Variants in CDC73 observed in about 807,000 individuals in gnomAD.
CDC73 encodes cell division cycle 73, also known as parafibromin.
CDC73 carries 21 observed loss-of-function variants against 83.7 expected under a neutral mutation model. The ratio of observed to expected loss-of-function variants is 0.25; its 90% CI spans 0.18 to 0.36. CDC73 has a LOEUF of 0.36. CDC73 is among the 10% of genes least tolerant of loss of function. The pLI, the probability that CDC73 is intolerant of heterozygous loss-of-function variation, is 1.00. For missense variants in CDC73, 342 were observed against 653.3 expected (o/e 0.52, Z 5.19); for synonymous variants, 224 against 212.9 (o/e 1.05, Z -0.45).
At chr1:193,168,316 T>C (rs916625562) in intron 10 of CDC73, among the ~76,000 whole-genome samples, 3 of 152,224 alleles carry the variant, frequency 2.0e-5, no homozygotes, top group Non-Finnish European at 2.9e-5. Context: ...AAATGTTTGC[T>C]GTGTGCCTGC....
In CDC73 at chr1:193,226,950, CT is replaced by C. The variant is rs1357218287; in HGVS notation, c.1155-6035del. 2.0e-5 allele frequency among the ~76,000 whole-genome samples: 3 copies of C among 151,894 alleles called. 1 individual carries two copies. The highest frequency in any genetic ancestry group is 4.2e-4 in the South Asian group (2 of 4,814). On this transcript the variant is annotated intron_variant, in intron 13 of 16. Coordinates refer to ENST00000367435, the MANE Select transcript of CDC73 (RefSeq NM_024529.5). ...AGCTGTGAATCCTTCTGGTTCTGAA[CT>C]TTTTTTTGTTGGTAATTTTTAAATT... is the stretch of plus-strand genomic sequence containing the variant.
chr1:193,133,256 CTG>C (rs569936938), intron 3 of CDC73, among the ~76,000 whole-genome samples: 119 of 152,144 alleles, frequency 7.8e-4, no homozygotes, highest in Non-Finnish European at 1.4e-3. Context: ...TTTTTAAAAA[CTG>C]TTAATTTAAT....
In CDC73 at chr1:193,168,822, G is replaced by A. The variant is rs1558296262; in HGVS notation, c.972+16378G>A. Among the ~76,000 whole-genome samples the A allele has an allele frequency of 3.3e-5, 5 of 152,238 alleles. 1 individual carries two copies. The South Asian group carries it at 1.0e-3, about 31-fold the overall frequency. The stretch of plus-strand genomic sequence containing the variant: ...TTACACGCGTGAGCCACAGCGTCTG[G>A]CTGACCTCTGCTGTTTTAAAGGCAG... On this transcript the variant is annotated intron_variant, in intron 10 of 16. Transcript: ENST00000367435.
intron 10 of CDC73, among the ~76,000 whole-genome samples, chr1:193,187,345 G>T (rs1338614573): frequency 6.6e-6 from 1 of 151,974 alleles, no homozygotes; most frequent in South Asian, 2.1e-4. Flanking sequence ...TAGCACACTT[G>T]TACAGGATCT....
At chr1:193,144,879 A>G (rs1450427587) in intron 7 of CDC73, among the ~76,000 whole-genome samples, 7 of 150,448 alleles carry the variant, frequency 4.7e-5, no homozygotes, top group African/African-American at 7.4e-5. Flanking sequence ...AACTGATAGT[A>G]TTTGTTGCCA....
At chr1:193,240,230 G>T (rs1572220283) in intron 15 of CDC73, among the ~76,000 whole-genome samples, 1 of 152,270 alleles carries the variant, frequency 6.6e-6, no homozygotes, top group East Asian at 1.9e-4. Context: ...CAGTATTTCA[G>T]TGTGTATATA....
chr1:193,234,829 A>G (rs1304090350), intron 14 of CDC73, among the ~76,000 whole-genome samples: 1 of 152,124 alleles, frequency 6.6e-6, no homozygotes, highest in Admixed American at 6.6e-5. Context: ...GATGATTTTG[A>G]CAGTTTGAGG....
intron 13 of CDC73, among the ~76,000 whole-genome samples, chr1:193,227,599 A>G (rs1356212935): frequency 3.3e-5 from 5 of 152,204 alleles, no homozygotes; most frequent in Non-Finnish European, 5.9e-5. Context: ...ATTGAATTCT[A>G]CTTTGAATAA....
intron 15 of CDC73, among the ~76,000 whole-genome samples, chr1:193,240,146 A>G (rs1415295799): frequency 1.3e-5 from 2 of 152,180 alleles, no homozygotes; most frequent in Non-Finnish European, 2.9e-5. Context: ...CTTTCACTTA[A>G]TAGAATGACC....
rs1163434047 is a variant in CDC73, at chr1:193,252,513, G to A, written c.*1801G>A. On this transcript the variant is annotated 3_prime_UTR_variant, in exon 17 of 17. Transcript: ENST00000367435. ...TGAGACAGAATATGGTTAAAATTAG[G>A]AACATCTACTTTGAATGAGGTTTAT... 1 of 229,710 alleles carries A rather than the reference G, an allele frequency of 4.4e-6. No homozygotes were observed. Among genetic ancestry groups the A allele is most frequent in the African/African-American group, 2.2e-5 (1 of 45,126 alleles). 14.2% of individuals were successfully genotyped at this position (229,710 alleles called of 1,614,324 possible). A position where few individuals can be genotyped will look rare whatever the true frequency, so the allele number is the denominator to read the frequency against.
At chr1:193,187,849 T>C (rs1408821147) in intron 10 of CDC73, among the ~76,000 whole-genome samples, 6 of 152,160 alleles carry the variant, frequency 3.9e-5, no homozygotes, top group African/African-American at 1.2e-4. Context: ...AAGAATTTTA[T>C]AAATAGGAAA....
At chr1:193,129,620 C>G (rs1444706681) in intron 2 of CDC73, among the ~76,000 whole-genome samples, 1 of 151,866 alleles carries the variant, frequency 6.6e-6, no homozygotes, top group Admixed American at 6.6e-5. Context: ...TCCAGTGATT[C>G]TCCTGCCTCA....
chr1:193,135,259 A>G, intron 3 of CDC73, 132 bp from the exon 4 acceptor site: 1 of 744,258 alleles, frequency 1.3e-6, no homozygotes, highest in South Asian at 1.6e-5. Context: ...GAGCTGCTTT[A>G]AAACTGAATT....
chr1:193,201,146 C>G (rs1010675612), intron 10 of CDC73, among the ~76,000 whole-genome samples: 3 of 152,040 alleles, frequency 2.0e-5, no homozygotes, highest in Admixed American at 1.3e-4. Flanking sequence ...CTGACCTTGG[C>G]AACTGAAATT....
chr1:193,205,373 C>G (rs561124632), intron 11 of CDC73, among the ~76,000 whole-genome samples: 3 of 152,012 alleles, frequency 2.0e-5, no homozygotes, highest in Non-Finnish European at 4.4e-5. Context: ...CAGGCTAATT[C>G]TAAAATTATG....
chr1:193,253,123 G>A lies in CDC73; in HGVS notation c.*2411G>A. 4.3e-6 allele frequency: 1 copy of A among 232,400 alleles called. No homozygotes were observed. The highest frequency in any genetic ancestry group is 8.5e-6 in the Non-Finnish European group (1 of 117,488). The allele number at this position is 232,400 out of a possible 1,614,324, so 14.4% of individuals were successfully genotyped here. On this transcript the variant is annotated 3_prime_UTR_variant, in exon 17 of 17. Transcript: ENST00000367435. Reference sequence around the variant, plus strand: ...TTTATAGGACATTCTTCTCAGTCAAGGAACAGTAAGAAATATGTAGGTTTC... The same window carrying A: ...TTTATAGGACATTCTTCTCAGTCAAAGAACAGTAAGAAATATGTAGGTTTC...
intron 2 of CDC73, among the ~76,000 whole-genome samples, chr1:193,129,251 C>T (rs1359410673): frequency 6.6e-6 from 1 of 151,938 alleles, no homozygotes; most frequent in Non-Finnish European, 1.5e-5. Flanking sequence ...CCGTCTCGAC[C>T]TCCCAAAGTG....
chr1:193,134,294 A>C (rs945808138), intron 3 of CDC73, among the ~76,000 whole-genome samples: 8 of 152,148 alleles, frequency 5.3e-5, no homozygotes, highest in Admixed American at 5.2e-4. Context: ...CAGAAGACTA[A>C]AATTGAACAG....
intron 10 of CDC73, among the ~76,000 whole-genome samples, chr1:193,169,106 T>C (rs1285966281): frequency 6.6e-6 from 1 of 152,216 alleles, no homozygotes; most frequent in African/African-American, 2.4e-5. Context: ...GAGGCAACTG[T>C]TTATTTCTAA....
Sources: gnomAD v4.1 joint callset for allele counts (sites outside exome capture counted in the v4.1 genomes callset) on GRCh38, gnomAD v4.1.1 for gene constraint, MANE v1.5 for transcripts, NCBI Gene and HGNC (gene_info 2026-07-23, HGNC 2026-07-21) for gene names.